PIK3AP1: variants seen among roughly 807,000 people sequenced by gnomAD.
PIK3AP1 encodes the protein phosphoinositide 3-kinase adapter protein 1.
In PIK3AP1, 21 loss-of-function variants were observed where a neutral mutation model predicts 88.1. That is an observed-to-expected ratio of 0.24 (90% CI 0.17 to 0.34). PIK3AP1 has a LOEUF of 0.34. PIK3AP1 is among the 10% of genes least tolerant of loss of function. PIK3AP1 has a pLI of 1.00. For synonymous variants in PIK3AP1, 398 were observed against 400.0 expected (o/e 1.00, Z 0.06); for missense variants, 828 against 1,035.7 (o/e 0.80, Z 2.75).
intron 1 of PIK3AP1, among the ~76,000 whole-genome samples, chr10:96,713,834 G>T (rs1352412622): frequency 6.6e-6 from 1 of 152,130 alleles, no homozygotes; most frequent in East Asian, 1.9e-4. Context: ...AGCAGATCCT[G>T]CTCCTCTGTG....
Position 96,595,619 on chromosome 10 carries a change from C to G in PIK3AP1, c.2376G>C (p.Glu792Asp), listed in dbSNP as rs1266923624. The G allele has an allele frequency of 1.2e-6, 2 of 1,613,248 alleles. No homozygotes were observed. Among genetic ancestry groups the G allele is most frequent in the Non-Finnish European group, 1.7e-6 (2 of 1,179,694 alleles). Residue 792 changes from glutamate to aspartate, a missense_variant, in exon 17 of 17, where the codon GAG becomes GAC. Physicochemically the swap from Glu to Asp is conservative, Grantham distance 45 (BLOSUM62 2). Around this residue, in one of 3 missense-constraint regions of PIK3AP1, gnomAD observed 191 missense variants for 208.6 expected, o/e 0.92. Transcript: ENST00000339364. ...GAACAGGTGGAGGAGGATGGAAGGTCTCCCTGGTCGGAGGCCTAAAATGAA... is the reference window on the plus strand; with the variant it reads ...GAACAGGTGGAGGAGGATGGAAGGTGTCCCTGGTCGGAGGCCTAAAATGAA... ...RAASQRPPTR[E>D]TFHPPPPVPP... is the part of the protein sequence containing the mutation.
chr10:96,675,207 T>C (rs1843901724), intron 2 of PIK3AP1, among the ~76,000 whole-genome samples: 1 of 123,996 alleles, frequency 8.1e-6, no homozygotes, highest in Admixed American at 1.1e-4. Context: ...AAGGATTTTG[T>C]CAGGGAAAGT....
At chr10:96,706,596 A>G (rs1435031171) in intron 2 of PIK3AP1, among the ~76,000 whole-genome samples, 1 of 152,222 alleles carries the variant, frequency 6.6e-6, no homozygotes, top group Non-Finnish European at 1.5e-5. Context: ...GAAGTGTCTT[A>G]GATCAAGTCT....
intron 8 of PIK3AP1, among the ~76,000 whole-genome samples, chr10:96,642,937 A>G (rs531362946): frequency 1.4e-4 from 21 of 152,218 alleles, no homozygotes; most frequent in Admixed American, 1.3e-3. Flanking sequence ...TAGCAAAGAC[A>G]CAGGGCAGAA....
intron 2 of PIK3AP1, among the ~76,000 whole-genome samples, chr10:96,683,548 C>G (rs750936516): frequency 2.0e-5 from 3 of 152,236 alleles, no homozygotes; most frequent in African/African-American, 4.8e-5. Flanking sequence ...CACTTCTATA[C>G]ATCTCATTCC....
At chr10:96,670,204 G>A (rs1447534815) in intron 2 of PIK3AP1, among the ~76,000 whole-genome samples, 2 of 149,966 alleles carry the variant, frequency 1.3e-5, no homozygotes, top group East Asian at 1.9e-4. Flanking sequence ...AAAAGTGCTT[G>A]CACATGAAAA....
chr10:96,648,287 G>A (rs1158087980), intron 7 of PIK3AP1, among the ~76,000 whole-genome samples: 2 of 152,328 alleles, frequency 1.3e-5, no homozygotes, highest in East Asian at 3.9e-4. Flanking sequence ...ACCTTCAGCA[G>A]ATTCACTCTA....
At chr10:96,680,713 T>A (rs1843988275) in intron 2 of PIK3AP1, among the ~76,000 whole-genome samples, 2 of 152,228 alleles carry the variant, frequency 1.3e-5, no homozygotes, top group Admixed American at 1.3e-4. Context: ...CTACCATTAG[T>A]GGGCATTTAG....
rs1031017835 is a variant in PIK3AP1, at chr10:96,632,826, T to C, written c.1376-4333A>G. On this transcript the variant is annotated intron_variant, in intron 8 of 16. Coordinates refer to ENST00000339364, the MANE Select transcript of PIK3AP1 (RefSeq NM_152309.3). ...TTTTCCCACTTCTGGCTGTATTGAC[T>C]ACACATCCACCAGTCCAACACCAAC... is the stretch of plus-strand genomic sequence containing the variant. 3.8e-6 allele frequency: 6 copies of C among 1,577,830 alleles called. No individual in the cohort carries two copies. In the African/African-American group the frequency reaches 6.8e-5, roughly 18 times the overall value.
intron 1 of PIK3AP1, among the ~76,000 whole-genome samples, chr10:96,714,099 G>A (rs1388809796): frequency 6.6e-6 from 1 of 152,014 alleles, no homozygotes; most frequent in South Asian, 2.1e-4. Context: ...ACTTGAACCC[G>A]GGAGGCGGAG....
chr10:96,609,932 G>A (rs1196321614), intron 13 of PIK3AP1, 65 bp from the exon 14 acceptor site: 101 of 1,556,142 alleles, frequency 6.5e-5, no homozygotes, highest in Non-Finnish European at 8.7e-5. Flanking sequence ...AAGCTGCTCA[G>A]CAGCTTCCCT....
At chr10:96,628,897 T>TACACACACAC (rs1564961287) in intron 8 of PIK3AP1, among the ~76,000 whole-genome samples, 17 of 25,712 alleles carry the variant, frequency 6.6e-4, no homozygotes, top group African/African-American at 1.3e-3. Flanking sequence ...TACATATATA[T>TACACACACAC]ATATATATAT....
chr10:96,628,491 C>T lies in PIK3AP1; in HGVS notation c.1378G>A (p.Val460Ile), dbSNP rs766080023. The T allele has an allele frequency of 6.2e-6, 10 of 1,607,740 alleles. No homozygotes were observed. The South Asian group carries it at 1.1e-4, about 18-fold the overall frequency. ...FVPAATEDLY[V>I]EMLQASTSNP... ...GATGTACTGGCCTGAAGCATTTCAA[C>T]ATCTAGAAGGAAAAGGAGACTAAGA... Residue 460 changes from valine to isoleucine, a missense_variant and splice_region_variant, in exon 9 of 17, where the codon GTT (valine) becomes ATT (isoleucine). Physicochemically the swap from Val to Ile is conservative, Grantham distance 29. Transcript: ENST00000339364.
In PIK3AP1 at chr10:96,620,624, G is replaced by A; in HGVS notation, c.1736-67C>T. On this transcript the variant is annotated intron_variant, in intron 11 of 16. Transcript: ENST00000339364. ...GGGGACCACTCACCAGAAGTGTACGGTTAATGAGGCTGGTCACAGGCTCAA... is the reference window on the plus strand; with the variant it reads ...GGGGACCACTCACCAGAAGTGTACGATTAATGAGGCTGGTCACAGGCTCAA... 2.1e-6 allele frequency: 3 copies of A among 1,404,706 alleles called. No homozygotes were observed. The South Asian group carries it at 3.6e-5, about 17-fold the overall frequency. 87.0% of individuals were successfully genotyped at this position (1,404,706 alleles called of 1,614,324 possible). A position where few individuals can be genotyped will look rare whatever the true frequency, so the allele number is the denominator to read the frequency against.
At chr10:96,670,027 T>C (rs1419828621) in intron 2 of PIK3AP1, among the ~76,000 whole-genome samples, 2 of 151,036 alleles carry the variant, frequency 1.3e-5, no homozygotes, top group African/African-American at 4.9e-5. Flanking sequence ...ATACAAAAAT[T>C]AGCCGGGCGT....
chr10:96,597,349 TCCCTCC>T (rs1848786048), intron 16 of PIK3AP1, among the ~76,000 whole-genome samples: 1 of 12,700 alleles, frequency 7.9e-5, no homozygotes, highest in Admixed American at 1.0e-3. Context: ...CCTCCCTCCC[TCCCTCC>T]CTCTCTCTCT....
chr10:96,670,600 G>C (rs189097380), intron 2 of PIK3AP1, among the ~76,000 whole-genome samples: 5 of 152,324 alleles, frequency 3.3e-5, no homozygotes, highest in Admixed American at 2.0e-4. Context: ...TATGGGGGAA[G>C]GGCTGTGTGA....
At chr10:96,617,973 G>A (rs1247977663) in intron 12 of PIK3AP1, among the ~76,000 whole-genome samples, 2 of 152,212 alleles carry the variant, frequency 1.3e-5, no homozygotes, top group Non-Finnish European at 2.9e-5. Flanking sequence ...AGAGGGTGAC[G>A]TGAAGGAGAC....
chr10:96,694,023 T>G (rs1313347949), intron 2 of PIK3AP1, among the ~76,000 whole-genome samples: 1 of 152,186 alleles, frequency 6.6e-6, no homozygotes, highest in Non-Finnish European at 1.5e-5. Context: ...AATTACAAGC[T>G]GGGCCTTTTC....
Sources: gnomAD v4.1 joint callset for allele counts (sites outside exome capture counted in the v4.1 genomes callset) on GRCh38, gnomAD v4.1.1 for gene constraint, gnomAD v4.1.1 regional missense constraint, MANE v1.5 for transcripts, NCBI Gene and HGNC (gene_info 2026-07-23, HGNC 2026-07-21) for gene names.